HMGXB3: variants seen among roughly 807,000 people sequenced by gnomAD.
The protein encoded by HMGXB3 is HMG-box containing 3.
A neutral mutation model predicts 121.5 loss-of-function variants in HMGXB3; 45 were observed. That is an observed-to-expected ratio of 0.37 (90% CI 0.29 to 0.47). The LOEUF is 0.47. HMGXB3 is among the 20% of genes least tolerant of loss of function. HMGXB3 has a pLI of 0.99. For synonymous variants in HMGXB3, 590 were observed against 624.1 expected (o/e 0.95, Z 0.81); for missense variants, 1,376 against 1,602.2 (o/e 0.86, Z 2.41).
At chr5:150,045,214 A>G (rs1756729774) in intron 15 of HMGXB3, among the ~76,000 whole-genome samples, 1 of 152,218 alleles carries the variant, frequency 6.6e-6, no homozygotes, top group Admixed American at 6.5e-5. Context: ...GACATAAACA[A>G]AGGTATAGAA....
intron 11 of HMGXB3, among the ~76,000 whole-genome samples, chr5:150,035,794 A>C (rs1379653857): frequency 6.6e-6 from 1 of 152,134 alleles, no homozygotes; most frequent in Non-Finnish European, 1.5e-5. Flanking sequence ...ATTTTTAATG[A>C]GTATTTCAGA....
At chr5:150,020,301 T>C (rs1248853642) in intron 6 of HMGXB3, among the ~76,000 whole-genome samples, 1 of 152,240 alleles carries the variant, frequency 6.6e-6, no homozygotes, top group African/African-American at 2.4e-5. Flanking sequence ...TTCTCTGATG[T>C]GCCTCTCTGA....
In HMGXB3 at chr5:150,026,858, C is replaced by A; in HGVS notation, c.1613C>A (p.Ala538Asp). Reference sequence around the variant, plus strand: ...GGCAGCAGCATGGGACTGCCCAGGGCCAGGCAGGCCTTTTCCCTGAGTGGT... The same window carrying A: ...GGCAGCAGCATGGGACTGCCCAGGGACAGGCAGGCCTTTTCCCTGAGTGGT... Reference protein sequence around the residue: ...GRGSSMGLPRARQAFSLSDKT... With the variant: ...GRGSSMGLPRDRQAFSLSDKT... The change falls in exon 8 of 20, where the codon GCC (alanine) becomes GAC (aspartate). Residue 538 changes from alanine (A) to aspartate (D), a missense_variant. By Grantham distance (126) the Ala-to-Asp change is moderately radical. This residue lies in a region of HMGXB3 where 1,116 missense variants were observed against 1,369.0 expected (regional missense o/e 0.82). Transcript: ENST00000502717. 6.6e-7 allele frequency: 1 copy of A among 1,515,372 alleles called. No individual in the cohort carries two copies. Among genetic ancestry groups the A allele is most frequent in the South Asian group, 1.3e-5 (1 of 77,872 alleles). 93.9% of individuals were successfully genotyped at this position (1,515,372 alleles called of 1,614,324 possible).
rs1347510919 is a variant in HMGXB3 at position 150,024,650 on chromosome 5, GTCCACTCCCTGC to G, written c.1434_1445del (p.Leu479_Pro482del). 6.5e-7 allele frequency: 1 copy of G among 1,550,250 alleles called. No homozygotes were observed. The highest frequency in any genetic ancestry group is 8.7e-7 in the Non-Finnish European group (1 of 1,146,104). On this transcript the variant is annotated inframe_deletion, in exon 7 of 20. Coordinates refer to ENST00000502717, the MANE Select transcript of HMGXB3 (RefSeq NM_014983.3). ...CCATCCGAGGGGACAAGTACCTCCA[GTCCACTCCCTGC>G]TCCTAAAAAACCTACAGGGTAAGTC...
chr5:150,005,332 G>T (rs11167490), intron 2 of HMGXB3, among the ~76,000 whole-genome samples: 25,055 of 152,168 alleles, frequency 0.16, 2,546 homozygotes, highest in Admixed American at 0.27. Flanking sequence ...GGGCGTGATG[G>T]CTCATGCCTG....
At chr5:150,032,046 T>G (rs1459713367) in intron 10 of HMGXB3, among the ~76,000 whole-genome samples, 2 of 152,116 alleles carry the variant, frequency 1.3e-5, no homozygotes, top group African/African-American at 4.8e-5. Context: ...CATAGGAGCT[T>G]AGATGCTAGA....
At chr5:150,021,031 C>A (rs771873387) in intron 6 of HMGXB3, among the ~76,000 whole-genome samples, 15 of 152,130 alleles carry the variant, frequency 9.9e-5, no homozygotes, top group Non-Finnish European at 1.9e-4. Flanking sequence ...GCCATGGTGC[C>A]CAGCCTGAAA....
chr5:150,004,717 C>T lies in HMGXB3; in HGVS notation c.-2-134C>T, dbSNP rs904728763. The stretch of plus-strand genomic sequence containing the variant: ...TGTTAAACAACCAAGCCAGGTGCTT[C>T]TTAGGATATATTGGGTTTGGGAAAT... On this transcript the variant is annotated intron_variant, in intron 1 of 19. Coordinates refer to ENST00000502717, the MANE Select transcript of HMGXB3 (RefSeq NM_014983.3). The T allele has an allele frequency of 3.6e-5, 20 of 548,814 alleles. No homozygotes were observed. In the East Asian group the frequency reaches 6.0e-4, roughly 17 times the overall value. 34.0% of individuals were successfully genotyped at this position (548,814 alleles called of 1,614,324 possible).
intron 10 of HMGXB3, among the ~76,000 whole-genome samples, chr5:150,031,730 C>T (rs1346570794): frequency 2.0e-5 from 3 of 152,174 alleles, no homozygotes; most frequent in Non-Finnish European, 4.4e-5. Flanking sequence ...AAGGGTCATT[C>T]ATTCCTTCAA....
At chr5:150,043,215 A>G (rs1756678852) in intron 15 of HMGXB3, among the ~76,000 whole-genome samples, 1 of 152,232 alleles carries the variant, frequency 6.6e-6, no homozygotes. Context: ...AGCAAACAGA[A>G]CAGTAGGAAA....
At chr5:150,006,684 G>A in intron 3 of HMGXB3, 37 bp downstream of exon 3, 1 of 1,531,762 alleles carries the variant, frequency 6.5e-7, no homozygotes, top group Non-Finnish European at 8.8e-7. Context: ...TTTTCCACTG[G>A]TTCAGTGATG....
At chr5:150,009,612 T>G (rs1369785913) in intron 3 of HMGXB3, among the ~76,000 whole-genome samples, 1 of 152,226 alleles carries the variant, frequency 6.6e-6, no homozygotes, top group African/African-American at 2.4e-5. Context: ...CTTAGCCTGT[T>G]AACTTGTATT....
intron 5 of HMGXB3, among the ~76,000 whole-genome samples, chr5:150,015,729 A>G (rs896763264): frequency 1.2e-4 from 18 of 152,216 alleles, no homozygotes; most frequent in African/African-American, 4.1e-4. Flanking sequence ...TCTTTGACCT[A>G]TGAGATACTT....
At chr5:150,020,384 T>G (rs1419761305) in intron 6 of HMGXB3, among the ~76,000 whole-genome samples, 1 of 152,244 alleles carries the variant, frequency 6.6e-6, no homozygotes, top group East Asian at 1.9e-4. Context: ...TTGAACTGGA[T>G]AGTAGTCAGA....
intron 1 of HMGXB3, among the ~76,000 whole-genome samples, chr5:150,002,545 C>A (rs1755597856): frequency 6.6e-6 from 1 of 152,190 alleles, no homozygotes; most frequent in Non-Finnish European, 1.5e-5. Flanking sequence ...TAAATTTCCT[C>A]CTGACAGATT....
intron 9 of HMGXB3, among the ~76,000 whole-genome samples, chr5:150,028,539 G>GTA (rs1264284739): frequency 1.1e-4 from 6 of 53,150 alleles, no homozygotes; most frequent in African/African-American, 4.0e-4. Flanking sequence ...GTGTGTGTGT[G>GTA]TGTATATATA....
At chr5:150,032,432 A>G (rs1727550171) in intron 10 of HMGXB3, 22 bp from the exon 11 acceptor site, 2 of 1,548,620 alleles carry the variant, frequency 1.3e-6, no homozygotes, top group Admixed American at 3.9e-5. Flanking sequence ...TGTAGAATTG[A>G]ACACTGGTCT....
chr5:150,037,844 C>G lies in HMGXB3; in HGVS notation c.2413+317C>G, dbSNP rs140879989. Among the ~76,000 whole-genome samples, 535 of 152,326 alleles carry G rather than the reference C, an allele frequency of 3.5e-3. 3 individuals carry two copies. Among genetic ancestry groups the G allele is most frequent in the Middle Eastern group, 0.01 (3 of 294 alleles). On this transcript the variant is annotated intron_variant, in intron 13 of 19. Coordinates refer to ENST00000502717, the MANE Select transcript of HMGXB3 (RefSeq NM_014983.3). ...ATAAACACTTATTTAACAGTGTGAT[C>G]AATCTTCCAGAAATGTTTATTCATC...
chr5:150,046,979 G>A (rs1299185406), intron 16 of HMGXB3, among the ~76,000 whole-genome samples: 5 of 150,746 alleles, frequency 3.3e-5, no homozygotes, highest in African/African-American at 1.2e-4. Context: ...CTGCCTTCCG[G>A]GTTCAAGCAG....
Sources: allele counts gnomAD v4.1 joint callset (sites outside exome capture counted in the v4.1 genomes callset), GRCh38; gene constraint gnomAD v4.1.1; regional missense constraint gnomAD v4.1.1; transcripts MANE v1.5; gene names NCBI Gene and HGNC (gene_info 2026-07-23, HGNC 2026-07-21).